FBXW8: variants seen among roughly 807,000 people sequenced by gnomAD.
The protein encoded by FBXW8 is F-box and WD repeat domain containing 8.
Under a neutral mutation model 65.3 loss-of-function variants are expected in FBXW8, and 57 were observed. That is an observed-to-expected ratio of 0.87 (90% confidence interval 0.71 to 1.09). The LOEUF is 1.09. FBXW8 is among the 50% of genes least tolerant of loss of function. The pLI, the probability that FBXW8 is intolerant of heterozygous loss-of-function variation, is 0.00. For missense variants in FBXW8, 777 were observed against 814.8 expected (o/e 0.95, Z 0.57); for synonymous variants, 308 against 330.2 (o/e 0.93, Z 0.73).
intron 4 of FBXW8, among the ~76,000 whole-genome samples, chr12:116,953,989 C>G (rs1883459361): frequency 6.6e-6 from 1 of 151,520 alleles, no homozygotes; most frequent in Non-Finnish European, 1.5e-5. Flanking sequence ...TGGCGGGCAC[C>G]TGTAATCCTA....
At chr12:117,023,657 T>C (rs771939322) in intron 8 of FBXW8, among the ~76,000 whole-genome samples, 6 of 152,222 alleles carry the variant, frequency 3.9e-5, no homozygotes, top group Non-Finnish European at 7.3e-5. Context: ...CCTTTCTCAG[T>C]TCCAGCAAGA....
chr12:117,018,739 T>A (rs1954017712), intron 8 of FBXW8, among the ~76,000 whole-genome samples: 1 of 152,208 alleles, frequency 6.6e-6, no homozygotes, highest in African/African-American at 2.4e-5. Context: ...CCGCATCTTT[T>A]GGTTTATTTG....
intron 2 of FBXW8, among the ~76,000 whole-genome samples, chr12:116,931,253 A>C (rs201631402): frequency 6.6e-6 from 1 of 152,212 alleles, no homozygotes; most frequent in African/African-American, 2.4e-5. Context: ...ATCTGTTTTT[A>C]TGCCAGTGAC....
intron 1 of FBXW8, among the ~76,000 whole-genome samples, chr12:116,913,435 A>T (rs974484121): frequency 6.6e-6 from 1 of 152,266 alleles, no homozygotes; most frequent in Non-Finnish European, 1.5e-5. Flanking sequence ...CAGAAGCCTT[A>T]TAGATAAGTC....
intron 7 of FBXW8, among the ~76,000 whole-genome samples, chr12:116,996,016 A>G (rs1369659396): frequency 6.6e-6 from 1 of 152,180 alleles, no homozygotes; most frequent in Non-Finnish European, 1.5e-5. Context: ...GGGTTAGAAG[A>G]CCGAATTGCC....
intron 8 of FBXW8, among the ~76,000 whole-genome samples, chr12:117,016,137 T>TGTAA (rs1416853610): frequency 6.6e-6 from 1 of 152,226 alleles, no homozygotes; most frequent in Non-Finnish European, 1.5e-5. Flanking sequence ...ATCATTTATG[T>TGTAA]GTAAGTTTGT....
intron 3 of FBXW8, among the ~76,000 whole-genome samples, chr12:116,947,829 CTAGAG>C (rs1024022552): frequency 1.3e-5 from 2 of 151,968 alleles, no homozygotes; most frequent in Non-Finnish European, 2.9e-5. Flanking sequence ...TTTCTCATCT[CTAGAG>C]TAGGGGCTAG....
At chr12:117,017,905 T>G (rs1953995856) in intron 8 of FBXW8, among the ~76,000 whole-genome samples, 1 of 152,222 alleles carries the variant, frequency 6.6e-6, no homozygotes, top group Non-Finnish European at 1.5e-5. Flanking sequence ...GTCTCAGTGC[T>G]TGCTTCTTGC....
rs556700980 is a variant in FBXW8 at position 117,009,914 on chromosome 12, T to A, written c.1240-409T>A. Reference sequence around the variant, plus strand: ...TTCCCGCCTGTGACGTAAATTCAGATGAGAACTCATGCTGGCTCATCTGCA... The same window carrying A: ...TTCCCGCCTGTGACGTAAATTCAGAAGAGAACTCATGCTGGCTCATCTGCA... On this transcript the variant is annotated intron_variant, in intron 7 of 10. Transcript: ENST00000652555. Among the ~76,000 whole-genome samples, 6 of 152,348 alleles carry A rather than the reference T, an allele frequency of 3.9e-5. No individual in the cohort carries two copies. The East Asian group carries it at 9.7e-4, about 25-fold the overall frequency.
chr12:116,991,310 C>T (rs185726808), intron 7 of FBXW8, among the ~76,000 whole-genome samples: 34 of 152,326 alleles, frequency 2.2e-4, no homozygotes, highest in Middle Eastern at 3.4e-3. Context: ...CAAGACTTTC[C>T]ATCTGATTGT....
chr12:116,967,767 T>C (rs1336670801), intron 5 of FBXW8, among the ~76,000 whole-genome samples: 2 of 152,218 alleles, frequency 1.3e-5, no homozygotes, highest in East Asian at 1.9e-4. Flanking sequence ...AAGTCACTTA[T>C]TCTTTTTTGT....
At chr12:116,965,979 T>C (rs1309665614) in intron 5 of FBXW8, among the ~76,000 whole-genome samples, 1 of 150,720 alleles carries the variant, frequency 6.6e-6, no homozygotes, top group African/African-American at 2.4e-5. Flanking sequence ...TCCAGACTGG[T>C]CTTGAACTCC....
chr12:116,920,783 C>T (rs1304492997), intron 1 of FBXW8, among the ~76,000 whole-genome samples: 1 of 152,146 alleles, frequency 6.6e-6, no homozygotes, highest in Non-Finnish European at 1.5e-5. Context: ...CAACAGGCCC[C>T]CCAAATTCTA....
At chr12:117,021,393 G>A (rs77346064) in intron 8 of FBXW8, among the ~76,000 whole-genome samples, 1,862 of 152,054 alleles carry the variant, frequency 0.012, 47 homozygotes, top group African/African-American at 0.042. Context: ...GTTTATCATT[G>A]GACTGACTTT....
chr12:117,026,740 C>T (rs1234112269), intron 9 of FBXW8, among the ~76,000 whole-genome samples: 2 of 152,206 alleles, frequency 1.3e-5, no homozygotes, highest in African/African-American at 4.8e-5. Flanking sequence ...TCTTCACTAG[C>T]TAGGGCTCTC....
At chr12:116,926,976 C>T (rs534035982) in intron 1 of FBXW8, among the ~76,000 whole-genome samples, 4 of 152,160 alleles carry the variant, frequency 2.6e-5, no homozygotes, top group African/African-American at 9.6e-5. Flanking sequence ...CCTTGCAATA[C>T]ATAAGACCGC....
intron 8 of FBXW8, among the ~76,000 whole-genome samples, chr12:117,017,325 C>T (rs776799186): frequency 2.6e-5 from 4 of 152,154 alleles, no homozygotes; most frequent in Non-Finnish European, 4.4e-5. Flanking sequence ...GGTTCAGTGA[C>T]CAGTCAGTCC....
At chr12:116,943,429 G>C (rs1008147475) in intron 2 of FBXW8, among the ~76,000 whole-genome samples, 1 of 152,172 alleles carries the variant, frequency 6.6e-6, no homozygotes, top group Non-Finnish European at 1.5e-5. Flanking sequence ...TCTCTAATTT[G>C]TATTATTTGT....
At chr12:116,923,064 G>T (rs534504417) in intron 1 of FBXW8, among the ~76,000 whole-genome samples, 7 of 152,240 alleles carry the variant, frequency 4.6e-5, no homozygotes, top group Admixed American at 3.9e-4. Context: ...AAATTAGCTA[G>T]ATGTGGTGAT....
Sources: allele counts gnomAD v4.1 joint callset (sites outside exome capture counted in the v4.1 genomes callset), GRCh38; gene constraint gnomAD v4.1.1; transcripts MANE v1.5; gene names NCBI Gene and HGNC (gene_info 2026-07-23, HGNC 2026-07-21).